ZNF740: variants seen among roughly 807,000 people sequenced by gnomAD.
ZNF740 encodes zinc finger protein 740.
A neutral mutation model predicts 24.8 loss-of-function variants in ZNF740; 14 were observed. The ratio of observed to expected loss-of-function variants is 0.56; its 90% CI spans 0.37 to 0.88. The LOEUF (loss-of-function observed/expected upper bound fraction) is 0.88, where lower values mean the gene tolerates loss of function less well. Among genes scored for constraint, ZNF740 ranks in the 40% least tolerant of loss-of-function variants. ZNF740 has a pLI of 0.00. For synonymous variants in ZNF740, 69 were observed against 84.0 expected (o/e 0.82, Z 0.98); for missense variants, 201 against 247.9 (o/e 0.81, Z 1.27).
At chr12:53,185,829 C>G (rs1423773429) in intron 4 of ZNF740, 125 bp from the exon 5 acceptor site, 2 of 1,310,778 alleles carry the variant, frequency 1.5e-6, no homozygotes, top group Non-Finnish European at 2.1e-6. Flanking sequence ...CAGGAGATGG[C>G]AGCACCTTTA....
In ZNF740 at chr12:53,180,743, T is replaced by G; in HGVS notation, c.-402T>G. The G allele has an allele frequency of 7.9e-7, 1 of 1,264,428 alleles. No individual in the cohort carries two copies. The highest frequency in any genetic ancestry group is 1.0e-6 in the Non-Finnish European group (1 of 977,006). 78.3% of individuals were successfully genotyped at this position (1,264,428 alleles called of 1,614,324 possible). Reference sequence around the variant, plus strand: ...GTTTGTAAACTTGCCTCGGTCCCGGTGGGGGCAGCCGCGGCGGTGGGGTTG... The same window carrying G: ...GTTTGTAAACTTGCCTCGGTCCCGGGGGGGGCAGCCGCGGCGGTGGGGTTG... On this transcript the variant is annotated 5_prime_UTR_variant, in exon 1 of 7. Coordinates refer to ENST00000416904, the MANE Select transcript of ZNF740 (RefSeq NM_001004304.4).
At chr12:53,182,167 GGAGC>G (rs1407277335) in intron 2 of ZNF740, 175 bp downstream of exon 2, 2 of 851,836 alleles carry the variant, frequency 2.3e-6, no homozygotes, top group African/African-American at 3.4e-5. Context: ...CTGCCTTCAG[GGAGC>G]TTCCAGTCAA....
intron 6 of ZNF740, 66 bp from the exon 7 acceptor site, chr12:53,187,435 G>C (rs941979610): frequency 1.1e-5 from 15 of 1,340,144 alleles, no homozygotes; most frequent in Non-Finnish European, 1.6e-5. Context: ...CCTGTGAGAG[G>C]AATGAGTTAG....
rs1053124897 is a variant in ZNF740 at position 53,189,079 on chromosome 12, A to G, written c.*1489A>G. The G allele has an allele frequency of 2.6e-5, 4 of 151,830 alleles. No individual in the cohort carries two copies. Among genetic ancestry groups the G allele is most frequent in the Non-Finnish European group, 2.9e-5 (2 of 67,934 alleles). The allele number at this position is 151,830 out of a possible 1,614,324, so 9.4% of individuals were successfully genotyped here. A position where few individuals can be genotyped will look rare whatever the true frequency, so the allele number is the denominator to read the frequency against. ...GTCTCAGCAGGAGCTGAAGAACACA[A>G]TTTGGGGAACAGAAGGGCTTTTGTT... On this transcript the variant is annotated 3_prime_UTR_variant, in exon 7 of 7. Transcript: ENST00000416904.
In ZNF740 at chr12:53,193,942, A is replaced by G. The variant is rs772142469; in HGVS notation, c.*6352A>G. On this transcript the variant is annotated 3_prime_UTR_variant, in exon 7 of 7. Transcript: ENST00000416904. ...AATCAGGCCATGGTTATACACATGC[A>G]CACACACATACCCCAAACTCACCAA... 11 of 1,547,852 alleles carry G rather than the reference A, an allele frequency of 7.1e-6. No individual in the cohort carries two copies. The highest frequency in any genetic ancestry group is 2.2e-5 in the East Asian group (1 of 44,470).
In ZNF740 at chr12:53,192,354, C is replaced by T. The variant is rs750166096; in HGVS notation, c.*4764C>T. On this transcript the variant is annotated 3_prime_UTR_variant, in exon 7 of 7. Coordinates refer to ENST00000416904, the MANE Select transcript of ZNF740 (RefSeq NM_001004304.4). ...CTTTCTTGGGGTCTCACTCTGAGCA[C>T]GACCGTGCCTCTGGCGTCATCCTCC... 2.9e-5 allele frequency: 47 copies of T among 1,613,978 alleles called. No individual in the cohort carries two copies. In the African/African-American group the frequency reaches 3.3e-4, roughly 11 times the overall value.
chr12:53,183,083 C>T (rs1941725160), intron 2 of ZNF740, among the ~76,000 whole-genome samples: 1 of 152,232 alleles, frequency 6.6e-6, no homozygotes. Context: ...TCTGAATGCA[C>T]AGCTTCCTCC....
chr12:53,187,488 CCTTT>C lies in ZNF740; in HGVS notation c.493-9_493-6del. The C allele has an allele frequency of 6.2e-7, 1 of 1,613,046 alleles. No homozygotes were observed. The highest frequency in any genetic ancestry group is 1.1e-5 in the South Asian group (1 of 91,006). On this transcript the variant is annotated splice_polypyrimidine_tract_variant and intron_variant, in intron 6 of 6. Coordinates refer to ENST00000416904, the MANE Select transcript of ZNF740 (RefSeq NM_001004304.4). Reference sequence around the variant, plus strand: ...TTGTCTGCTCAGGCACTTAACCCTCCCTTTCTTCTCAGTGTTTTTCTCGGACAGA... The same window carrying C: ...TTGTCTGCTCAGGCACTTAACCCTCCCTTCTCAGTGTTTTTCTCGGACAGA...
At position 53,194,254 on chromosome 12, in the gene ZNF740, T is replaced by C. The variant is rs924511917; in HGVS notation, c.*6664T>C. ...CCTCGATCCTCAGCCTTACCCTCCC[T>C]CTTCTCAGGACCCTCACACTGGGAT... On this transcript the variant is annotated 3_prime_UTR_variant, in exon 7 of 7. Transcript: ENST00000416904. 6.2e-7 allele frequency: 1 copy of C among 1,613,804 alleles called. No homozygotes were observed. The highest frequency in any genetic ancestry group is 1.3e-5 in the African/African-American group (1 of 74,810).
Position 53,180,769 on chromosome 12 carries a change from G to A in ZNF740, c.-376G>A. The A allele has an allele frequency of 3.1e-6, 4 of 1,272,838 alleles. No homozygotes were observed. Among genetic ancestry groups the A allele is most frequent in the Non-Finnish European group, 4.1e-6 (4 of 981,822 alleles). The allele number at this position is 1,272,838 out of a possible 1,614,324, so 78.8% of individuals were successfully genotyped here. A position where few individuals can be genotyped will look rare whatever the true frequency, so the allele number is the denominator to read the frequency against. On this transcript the variant is annotated 5_prime_UTR_variant, in exon 1 of 7. Transcript: ENST00000416904. Reference sequence around the variant, plus strand: ...GGGGGCAGCCGCGGCGGTGGGGTTGGCAGGGTGTGCTGGGGCCTGGAGGAG... The same window carrying A: ...GGGGGCAGCCGCGGCGGTGGGGTTGACAGGGTGTGCTGGGGCCTGGAGGAG...
At chr12:53,182,327 C>T in intron 2 of ZNF740, 1 of 248,842 alleles carries the variant, frequency 4.0e-6, no homozygotes, top group Non-Finnish European at 7.7e-6. Context: ...TTTTTTCCAA[C>T]AGGAATTTAT....
At chr12:53,181,378 A>C (rs1941624000) in intron 1 of ZNF740, 3 of 985,284 alleles carry the variant, frequency 3.0e-6, no homozygotes, top group Non-Finnish European at 1.2e-6. Flanking sequence ...CCCACTGGGC[A>C]CAAAAGCCCC....
Position 53,187,696 on chromosome 12 carries a change from C to T in ZNF740, c.*106C>T. ...CCGCCCCATGTGAACCTGTCCCACT[C>T]CTGGAGGAGTGGACCCAGGAGACCA... On this transcript the variant is annotated 3_prime_UTR_variant, in exon 7 of 7. Coordinates refer to ENST00000416904, the MANE Select transcript of ZNF740 (RefSeq NM_001004304.4). 1 of 898,546 alleles carries T rather than the reference C, an allele frequency of 1.1e-6. No individual in the cohort carries two copies. The highest frequency in any genetic ancestry group is 1.4e-5 in the South Asian group (1 of 69,960). The allele number at this position is 898,546 out of a possible 1,614,324, so 55.7% of individuals were successfully genotyped here. A position where few individuals can be genotyped will look rare whatever the true frequency, so the allele number is the denominator to read the frequency against.
Position 53,191,691 on chromosome 12 carries a change from T to C in ZNF740, c.*4101T>C. 1 of 1,565,496 alleles carries C rather than the reference T, an allele frequency of 6.4e-7. No homozygotes were observed. The highest frequency in any genetic ancestry group is 8.8e-7 in the Non-Finnish European group (1 of 1,135,894). ...AAAATCCCAGGATTCCTCGTCCCCT[T>C]TCTAGACCTAAGAGGCCAGCCTTGA... is the stretch of plus-strand genomic sequence containing the variant. On this transcript the variant is annotated 3_prime_UTR_variant, in exon 7 of 7. Transcript: ENST00000416904.
At chr12:53,186,678 G>A (rs895733126) in intron 6 of ZNF740, 169 bp downstream of exon 6, 20 of 554,240 alleles carry the variant, frequency 3.6e-5, no homozygotes, top group African/African-American at 3.0e-4. Context: ...ATCATGGGGA[G>A]CAGCAATTAG....
chr12:53,182,978 C>T (rs533327108), intron 2 of ZNF740, among the ~76,000 whole-genome samples: 189 of 152,320 alleles, frequency 1.2e-3, no homozygotes, highest in Middle Eastern at 6.8e-3. Context: ...CACACATCTC[C>T]AGAGCTTCTC....
intron 6 of ZNF740, chr12:53,186,864 A>G (rs142646796): frequency 6.2e-4 from 124 of 200,478 alleles, no homozygotes; most frequent in Middle Eastern, 4.2e-3. Flanking sequence ...TAAGTTTCCC[A>G]GGGACACCGC....
Position 53,194,195 on chromosome 12 carries a change from C to T in ZNF740, c.*6605C>T, listed in dbSNP as rs772204407. ...CCTTCTGCCTGTGCTTGCTGGCTCT[C>T]ACCGTCTGGTTGATTCGGACGTGGT... On this transcript the variant is annotated 3_prime_UTR_variant, in exon 7 of 7. Coordinates refer to ENST00000416904, the MANE Select transcript of ZNF740 (RefSeq NM_001004304.4). The T allele has an allele frequency of 5.0e-6, 8 of 1,613,972 alleles. No homozygotes were observed. Among genetic ancestry groups the T allele is most frequent in the African/African-American group, 4.0e-5 (3 of 74,896 alleles).
At chr12:53,186,973 T>TG (rs1200608731) in intron 6 of ZNF740, among the ~76,000 whole-genome samples, 1 of 152,106 alleles carries the variant, frequency 6.6e-6, no homozygotes, top group Non-Finnish European at 1.5e-5. Flanking sequence ...TCTGATCTGA[T>TG]GAGAATGTAA....
Sources: allele counts gnomAD v4.1 joint callset (sites outside exome capture counted in the v4.1 genomes callset), GRCh38; gene constraint gnomAD v4.1.1; transcripts MANE v1.5; gene names NCBI Gene and HGNC (gene_info 2026-07-23, HGNC 2026-07-21).